Variants in DOP1A observed in about 807,000 individuals in gnomAD.
The protein encoded by DOP1A is protein DOP1A.
Under a neutral mutation model 267.6 loss-of-function variants are expected in DOP1A, and 90 were observed. The observed-to-expected ratio is 0.34, with a 90% CI of 0.28 to 0.40. DOP1A has a LOEUF of 0.40. Ranked by LOEUF, DOP1A falls within the 10% of genes least tolerant of loss-of-function variation. The pLI, the probability that DOP1A is intolerant of heterozygous loss-of-function variation, is 1.00. For missense variants in DOP1A, 2,437 were observed against 2,900.4 expected (o/e 0.84, Z 3.67); for synonymous variants, 932 against 999.1 (o/e 0.93, Z 1.27).
chr6:83,069,871 A>G (rs530428377), intron 1 of DOP1A, among the ~76,000 whole-genome samples: 1 of 152,204 alleles, frequency 6.6e-6, no homozygotes, highest in Non-Finnish European at 1.5e-5. Context: ...CCTTATAGTC[A>G]TGCATTCCTA....
chr6:83,068,889 C>T (rs187335014), intron 1 of DOP1A, among the ~76,000 whole-genome samples: 3 of 152,280 alleles, frequency 2.0e-5, no homozygotes, highest in African/African-American at 7.2e-5. Context: ...CTAAATCATT[C>T]TCTGTAATTG....
In DOP1A at chr6:83,138,355, A is replaced by T; in HGVS notation, c.4313A>T (p.His1438Leu). 1 of 1,611,290 alleles carries T rather than the reference A, an allele frequency of 6.2e-7. No individual in the cohort carries two copies. Among genetic ancestry groups the T allele is most frequent in the Non-Finnish European group, 8.5e-7 (1 of 1,179,920 alleles). Reference sequence around the variant, plus strand: ...GTTATGGGCAAAGATTTTTATAGTCACATTCCAGTGGACTCAAATCATAAC... The same window carrying T: ...GTTATGGGCAAAGATTTTTATAGTCTCATTCCAGTGGACTCAAATCATAAC... ...ISVMGKDFYS[H>L]IPVDSNHNFR... The change falls in exon 21 of 39, where the codon CAC becomes CTC. Residue 1438 changes from histidine to leucine, a missense_variant. Physicochemically the swap from His to Leu is moderately conservative, Grantham distance 99 (BLOSUM62 -3). This residue lies in a region of DOP1A where 878 missense variants were observed against 992.9 expected (regional missense o/e 0.88). Coordinates refer to ENST00000349129, the MANE Select transcript of DOP1A (RefSeq NM_015018.4).
At chr6:83,141,857 T>A in intron 23 of DOP1A, 64 bp from the exon 24 acceptor site, 8 of 1,533,898 alleles carry the variant, frequency 5.2e-6, no homozygotes, top group Non-Finnish European at 7.0e-6. Context: ...AAAAACGCAG[T>A]CTAGTTGTAA....
chr6:83,135,785 C>T lies in DOP1A; in HGVS notation c.3037C>T (p.Arg1013Cys), dbSNP rs1457134195. ...AAAAACTCAGAGGGTTTCAGTACAG[C>T]GTGTACAAGCAGAACGTTATTGGAA... Reference protein sequence around the residue: ...HPKTQRVSVQRVQAERYWNKS... With the variant: ...HPKTQRVSVQCVQAERYWNKS... Residue 1013 changes from arginine (R) to cysteine (C), a missense_variant, in exon 20 of 39, where the codon CGT becomes TGT. Around this residue, in one of 9 missense-constraint regions of DOP1A, gnomAD observed 878 missense variants for 992.9 expected, o/e 0.88. Transcript: ENST00000349129. 3 of 1,613,440 alleles carry T rather than the reference C, an allele frequency of 1.9e-6. No individual in the cohort carries two copies. Among genetic ancestry groups the T allele is most frequent in the Non-Finnish European group, 2.5e-6 (3 of 1,179,660 alleles).
At chr6:83,164,646 CT>C (rs762705990) in intron 38 of DOP1A, 66 of 1,562,574 alleles carry the variant, frequency 4.2e-5, no homozygotes, top group Non-Finnish European at 5.6e-5. Flanking sequence ...GAGTTCTCCT[CT>C]TTCCTTCCAC....
At chr6:83,081,156 C>G (rs1354682932) in intron 1 of DOP1A, among the ~76,000 whole-genome samples, 4 of 152,176 alleles carry the variant, frequency 2.6e-5, no homozygotes, top group Non-Finnish European at 5.9e-5. Flanking sequence ...GAGTCTCACT[C>G]TGTTGCCCGG....
chr6:83,104,764 TTA>T (rs1773275374), intron 4 of DOP1A, among the ~76,000 whole-genome samples: 2 of 152,134 alleles, frequency 1.3e-5, no homozygotes, highest in African/African-American at 4.8e-5. Context: ...TAATATACTG[TTA>T]TCTTTGTAGC....
At chr6:83,092,554 C>G in intron 1 of DOP1A, among the ~76,000 whole-genome samples, 1 of 43,084 alleles carries the variant, frequency 2.3e-5, no homozygotes, top group Admixed American at 2.2e-4. Context: ...CAGTAGTGTC[C>G]CTCCCCCCCC....
chr6:83,167,681 C>G, intron 38 of DOP1A, 181 bp from the exon 39 acceptor site: 1 of 1,377,108 alleles, frequency 7.3e-7, no homozygotes, highest in Non-Finnish European at 9.3e-7. Flanking sequence ...CCATGTAAAA[C>G]TAATAAATGG....
In DOP1A at chr6:83,159,923, C is replaced by G. The variant is rs1289668284; in HGVS notation, c.6925C>G (p.Leu2309Val). The G allele has an allele frequency of 1.9e-6, 3 of 1,613,976 alleles. No homozygotes were observed. The highest frequency in any genetic ancestry group is 2.5e-6 in the Non-Finnish European group (3 of 1,180,024). ...TGCTTGCAAATTTTTGGATTTGGCT[C>G]TCGCATTGCCCTCTGAAAACCTTCC... ...LSACKFLDLA[L>V]ALPSENLPQF... is the part of the protein sequence containing the mutation. The change falls in exon 37 of 39, where the codon CTC becomes GTC. Residue 2309 changes from leucine to valine, a missense_variant. By Grantham distance (32) the Leu-to-Val change is conservative. Coordinates refer to ENST00000349129, the MANE Select transcript of DOP1A (RefSeq NM_015018.4).
At chr6:83,121,765 C>A (rs538874445) in intron 10 of DOP1A, among the ~76,000 whole-genome samples, 165 bp from the exon 11 acceptor site, 1 of 151,842 alleles carries the variant, frequency 6.6e-6, no homozygotes, top group Admixed American at 6.6e-5. Context: ...TATGTAATAT[C>A]TTATATTACC....
rs775146816 is a variant in DOP1A at position 83,168,002 on chromosome 6, C to T, written c.7233C>T (p.Val2411=). Residue 2411 remains valine (V), a synonymous_variant, in exon 39 of 39, where the codon GTC becomes GTT. Transcript: ENST00000349129. The part of the protein sequence containing the change: ...NVLSQVFNSK[V]TSRCGGHSGS... Reference sequence around the variant, plus strand: ...TCAGTCAAGTCTTCAACAGCAAAGTCACAAGCCGATGTGGAGGACACTCAG... The same window carrying T: ...TCAGTCAAGTCTTCAACAGCAAAGTTACAAGCCGATGTGGAGGACACTCAG... 9.3e-6 allele frequency: 15 copies of T among 1,614,068 alleles called. No individual in the cohort carries two copies. The highest frequency in any genetic ancestry group is 1.6e-4 in the Middle Eastern group (1 of 6,084).
intron 1 of DOP1A, among the ~76,000 whole-genome samples, chr6:83,095,460 G>T (rs1460227607): frequency 6.6e-6 from 1 of 152,124 alleles, no homozygotes; most frequent in Admixed American, 6.6e-5. Context: ...TGGTTGAATT[G>T]TGTTAGCATC....
chr6:83,100,151 G>T (rs1222016479), intron 3 of DOP1A, among the ~76,000 whole-genome samples: 1 of 152,068 alleles, frequency 6.6e-6, no homozygotes, highest in Non-Finnish European at 1.5e-5. Context: ...ACAAAAAGTT[G>T]TTTTGTCCAG....
chr6:83,101,307 C>T (rs952292240), intron 4 of DOP1A, among the ~76,000 whole-genome samples: 12 of 152,166 alleles, frequency 7.9e-5, no homozygotes, highest in African/African-American at 2.2e-4. Flanking sequence ...TAAGCCACCG[C>T]GCCTGGCCTC....
At chr6:83,134,639 A>G (rs1377161985) in intron 19 of DOP1A, among the ~76,000 whole-genome samples, 1 of 152,110 alleles carries the variant, frequency 6.6e-6, no homozygotes, top group Non-Finnish European at 1.5e-5. Flanking sequence ...TTCTCAAGCA[A>G]TTATTTTCAA....
chr6:83,168,663 A>G (rs770551557), downstream of DOP1A: 13 of 995,172 alleles, frequency 1.3e-5, no homozygotes, highest in African/African-American at 3.5e-5. Flanking sequence ...TGCATCCTTA[A>G]AAGTATTGCA....
In DOP1A at chr6:83,158,617, T is replaced by A. The variant is rs770196227; in HGVS notation, c.6792T>A (p.Ile2264=). Residue 2264 remains isoleucine, a synonymous_variant, in exon 36 of 39, where the codon ATT becomes ATA. Coordinates refer to ENST00000349129, the MANE Select transcript of DOP1A (RefSeq NM_015018.4). ...AGGAACTCACTGCTGATGAAGATAT[T>A]TCACGGTAATATGTAATTTAAATAT... is the stretch of plus-strand genomic sequence containing the variant. ...MEQELTADED[I]SRTSGPSVAG... 1 of 1,602,258 alleles carries A rather than the reference T, an allele frequency of 6.2e-7. No individual in the cohort carries two copies. The highest frequency in any genetic ancestry group is 8.5e-7 in the Non-Finnish European group (1 of 1,171,672).
At chr6:83,161,697 CTTTTAG>C (rs1255365214) in intron 37 of DOP1A, among the ~76,000 whole-genome samples, 4 of 152,110 alleles carry the variant, frequency 2.6e-5, no homozygotes, top group African/African-American at 9.7e-5. Flanking sequence ...TTTCCTTTTA[CTTTTAG>C]TAACAGAAGC....
Sources: gnomAD v4.1 joint callset for allele counts (sites outside exome capture counted in the v4.1 genomes callset) on GRCh38, gnomAD v4.1.1 for gene constraint, gnomAD v4.1.1 regional missense constraint, MANE v1.5 for transcripts, NCBI Gene and HGNC (gene_info 2026-07-23, HGNC 2026-07-21) for gene names.